Variants in NIPBL observed in about 807,000 individuals in gnomAD.
The protein encoded by NIPBL is nipped-B-like protein.
A neutral mutation model predicts 321.8 loss-of-function variants in NIPBL; 19 were observed. That is an observed-to-expected ratio of 0.06 (90% CI 0.04 to 0.09). The LOEUF (loss-of-function observed/expected upper bound fraction) is 0.09, where lower values mean the gene tolerates loss of function less well. Among genes scored for constraint, NIPBL ranks in the 10% least tolerant of loss-of-function variants. NIPBL has a pLI of 1.00. For synonymous variants in NIPBL, 1,106 were observed against 1,114.1 expected, an observed-to-expected ratio of 0.99 and a Z score of 0.14; for missense variants, 2,210 against 3,327.0, an observed-to-expected ratio of 0.66 and a Z score of 8.26.
chr5:36,893,149 C>A (rs1279807911), intron 1 of NIPBL, among the ~76,000 whole-genome samples: 1 of 152,152 alleles, frequency 6.6e-6, no homozygotes, highest in African/African-American at 2.4e-5. Context: ...CCAGCCTCAT[C>A]TGAAGACTGC....
rs1747045999 is a variant in NIPBL, at chr5:37,003,382, T to C, written c.3855+35T>C. ...AGATCCATACTGTTAATTTTACCCT[T>C]AATGTTATTAAGATCTATAGTAGTC... On this transcript the variant is annotated intron_variant, in intron 16 of 46. Coordinates refer to ENST00000282516, the MANE Select transcript of NIPBL (RefSeq NM_133433.4). 4.7e-6 allele frequency: 6 copies of C among 1,275,534 alleles called. No homozygotes were observed. In the East Asian group the frequency reaches 1.4e-4, roughly 30 times the overall value. 79.0% of individuals were successfully genotyped at this position (1,275,534 alleles called of 1,614,324 possible).
intron 11 of NIPBL, among the ~76,000 whole-genome samples, chr5:36,997,369 A>G (rs531504835): frequency 6.6e-6 from 1 of 152,348 alleles, no homozygotes; most frequent in Admixed American, 6.5e-5. Context: ...CTCACAGTTA[A>G]GTGGAAAGGA....
intron 1 of NIPBL, among the ~76,000 whole-genome samples, chr5:36,935,980 T>A (rs2149577204): frequency 6.6e-6 from 1 of 152,264 alleles, no homozygotes; most frequent in South Asian, 2.1e-4. Context: ...CATCTTGAGA[T>A]CCTTTATTAC....
chr5:36,916,294 C>T (rs1331671088), intron 1 of NIPBL, among the ~76,000 whole-genome samples: 2 of 152,168 alleles, frequency 1.3e-5, no homozygotes, highest in African/African-American at 4.8e-5. Context: ...TACTTACTAA[C>T]TTACTGCTTT....
At chr5:37,025,487 T>A (rs978052407) in intron 30 of NIPBL, among the ~76,000 whole-genome samples, 3 of 152,020 alleles carry the variant, frequency 2.0e-5, no homozygotes. Flanking sequence ...AGATAGAGAA[T>A]AGAAAGATGG....
At chr5:37,010,862 A>G (rs1205643988) in intron 21 of NIPBL, among the ~76,000 whole-genome samples, 2 of 152,242 alleles carry the variant, frequency 1.3e-5, no homozygotes, top group Non-Finnish European at 2.9e-5. Flanking sequence ...TGTAATATAT[A>G]TGCATGTTGA....
At chr5:36,928,418 T>C (rs983029994) in intron 1 of NIPBL, among the ~76,000 whole-genome samples, 1 of 152,228 alleles carries the variant, frequency 6.6e-6, no homozygotes, top group South Asian at 2.1e-4. Context: ...GTTAGTACTG[T>C]ATATGATCAG....
At chr5:36,891,963 G>A (rs900306559) in intron 1 of NIPBL, among the ~76,000 whole-genome samples, 1 of 152,108 alleles carries the variant, frequency 6.6e-6, no homozygotes, top group South Asian at 2.1e-4. Context: ...TTTCATGTGG[G>A]CATATGAGAG....
At chr5:36,958,319 A>C in intron 4 of NIPBL, 88 bp downstream of exon 4, 1 of 1,343,574 alleles carries the variant, frequency 7.4e-7, no homozygotes, top group South Asian at 1.2e-5. Flanking sequence ...CTGGCCTATC[A>C]GGAATGCGAT....
chr5:37,015,206 C>T (rs1284141101), intron 22 of NIPBL, among the ~76,000 whole-genome samples: 1 of 151,980 alleles, frequency 6.6e-6, no homozygotes, highest in Non-Finnish European at 1.5e-5. Context: ...TAACTGCAAC[C>T]TCCGCCTCCC....
At chr5:37,032,396 TGTGTGTGTGTGTGTG>T (rs1381771748) in intron 32 of NIPBL, among the ~76,000 whole-genome samples, 1 of 113,960 alleles carries the variant, frequency 8.8e-6, no homozygotes, top group Admixed American at 8.7e-5. Flanking sequence ...CGTGTGTGTG[TGTGTGTGTGTGTGTG>T]TGTGTGTGTG....
At chr5:36,994,220 C>T (rs190986752) in intron 10 of NIPBL, among the ~76,000 whole-genome samples, 18 of 152,142 alleles carry the variant, frequency 1.2e-4, no homozygotes, top group Admixed American at 2.6e-4. Flanking sequence ...TTAAACTCAA[C>T]GTTAGTTAGA....
intron 1 of NIPBL, among the ~76,000 whole-genome samples, chr5:36,900,525 A>G (rs544226846): frequency 2.8e-4 from 43 of 152,262 alleles, no homozygotes; most frequent in African/African-American, 9.9e-4. Flanking sequence ...CCCATGAGCA[A>G]TTCAGTCAAC....
At chr5:36,983,841 C>T (rs1744421724) in intron 9 of NIPBL, among the ~76,000 whole-genome samples, 1 of 151,952 alleles carries the variant, frequency 6.6e-6, no homozygotes, top group Non-Finnish European at 1.5e-5. Flanking sequence ...TTTCATAATA[C>T]TGTAAATTAT....
Position 37,022,039 on chromosome 5 carries a change from TTTGC to T in NIPBL, c.5329-8_5329-5del. 10 of 1,610,772 alleles carry T rather than the reference TTTGC, an allele frequency of 6.2e-6. No individual in the cohort carries two copies. The highest frequency in any genetic ancestry group is 8.5e-6 in the Non-Finnish European group (10 of 1,177,058). On this transcript the variant is annotated splice_region_variant and splice_polypyrimidine_tract_variant and intron_variant, in intron 27 of 46. Coordinates refer to ENST00000282516, the MANE Select transcript of NIPBL (RefSeq NM_133433.4). ...TCTAAAATTTACAAAAATGTCAATG[TTTGC>T]TTGGCAGATCCTACGAGTTCTTGGT...
chr5:37,054,490 C>T (rs946142905), intron 42 of NIPBL, among the ~76,000 whole-genome samples: 7 of 152,136 alleles, frequency 4.6e-5, no homozygotes, highest in South Asian at 2.1e-4. Context: ...ATAGTGATTA[C>T]GGTTAGTATA....
At position 36,970,901 on chromosome 5, in the gene NIPBL, A is replaced by G. The variant is rs1742781632; in HGVS notation, c.636A>G (p.Ala212=). ...CATCGGTATCAAGTCCCATTGTTGC[A>G]GGTGGTTTGAGAAACATACATGATA... The part of the protein sequence containing the change: ...QQASVSSPIV[A]GGLRNIHDNK... The change falls in exon 7 of 47, where the codon GCA becomes GCG. Residue 212 remains alanine, a synonymous_variant. Coordinates refer to ENST00000282516, the MANE Select transcript of NIPBL (RefSeq NM_133433.4). 3.7e-6 allele frequency: 6 copies of G among 1,613,706 alleles called. No homozygotes were observed. Among genetic ancestry groups the G allele is most frequent in the Non-Finnish European group, 3.4e-6 (4 of 1,179,768 alleles).
intron 1 of NIPBL, among the ~76,000 whole-genome samples, chr5:36,889,154 A>G (rs924522090): frequency 2.0e-5 from 3 of 152,166 alleles, no homozygotes; most frequent in African/African-American, 7.2e-5. Flanking sequence ...ATACTGAGCA[A>G]GTTTTATAGA....
chr5:36,953,153 A>T (rs1740591130), intron 1 of NIPBL, among the ~76,000 whole-genome samples: 1 of 152,164 alleles, frequency 6.6e-6, no homozygotes, highest in Non-Finnish European at 1.5e-5. Flanking sequence ...TTTATATAGG[A>T]TAATGATAAA....
Sources: allele counts gnomAD v4.1 joint callset (sites outside exome capture counted in the v4.1 genomes callset), GRCh38; gene constraint gnomAD v4.1.1; transcripts MANE v1.5; gene names NCBI Gene and HGNC (gene_info 2026-07-23, HGNC 2026-07-21).